The following FOXN1 variants were observed in gnomAD, a reference collection of about 807,000 sequenced individuals.
The protein encoded by FOXN1 is forkhead box protein N1.
Under a neutral mutation model 49.0 loss-of-function variants are expected in FOXN1, and 15 were observed. That is an observed-to-expected ratio of 0.31 (90% CI 0.20 to 0.47). The LOEUF is 0.47. Among genes scored for constraint, FOXN1 ranks in the 20% least tolerant of loss-of-function variants. The probability of loss-of-function intolerance (pLI) is 1.00; values close to 1 mark genes in which losing one functional copy is unlikely to be tolerated. For missense variants in FOXN1, 800 were observed against 842.8 expected (o/e 0.95, Z 0.63); for synonymous variants, 356 against 369.0 (o/e 0.96, Z 0.40).
rs572346156 is a variant in FOXN1, at chr17:28,515,257, A to G, written c.-14-8699A>G. Among the ~76,000 whole-genome samples the G allele has an allele frequency of 1.1e-4, 17 of 152,014 alleles. No homozygotes were observed. In the South Asian group the frequency reaches 3.5e-3, roughly 32 times the overall value. ...ATATCTCCACAGGGTACACACCTCT[A>G]TGAGGTACACACCTCCACAGGGTAC... On this transcript the variant is annotated intron_variant, in intron 1 of 8. Coordinates refer to ENST00000579795, the MANE Select transcript of FOXN1 (RefSeq NM_001369369.1).
chr17:28,523,927 C>T, intron 1 of FOXN1, 29 bp from the exon 2 acceptor site: 1 of 1,613,012 alleles, frequency 6.2e-7, no homozygotes, highest in Non-Finnish European at 8.5e-7. Context: ...TGCTGGTCCT[C>T]ACTCTCATGG....
intron 6 of FOXN1, 32 bp downstream of exon 6, chr17:28,530,877 C>T (rs745980479): frequency 2.4e-6 from 3 of 1,239,720 alleles, no homozygotes; most frequent in Admixed American, 1.7e-5. Context: ...ATCCCATCAC[C>T]CCCAAGTCCT....
In FOXN1 at chr17:28,534,295, C is replaced by T. The variant is rs762103394; in HGVS notation, c.928-36C>T. On this transcript the variant is annotated intron_variant, in intron 6 of 8. Coordinates refer to ENST00000579795, the MANE Select transcript of FOXN1 (RefSeq NM_001369369.1). The surrounding 1 kb of genome is among the most constrained non-coding windows in gnomAD (Gnocchi z 4.1). ...CTGAAGCCCGCTCTGGCTTCCTGAG[C>T]CTGGCCTGAATGCTTGTCTTGCTCT... The T allele has an allele frequency of 6.2e-7, 1 of 1,613,802 alleles. No homozygotes were observed. Among genetic ancestry groups the T allele is most frequent in the African/African-American group, 1.3e-5 (1 of 74,908 alleles).
chr17:28,510,741 G>T (rs2069378718), intron 1 of FOXN1, among the ~76,000 whole-genome samples: 1 of 152,192 alleles, frequency 6.6e-6, no homozygotes, highest in Admixed American at 6.5e-5. Context: ...TCTGGAGAGG[G>T]TTCCTGGAGC....
At chr17:28,513,424 T>C (rs1195289955) in intron 1 of FOXN1, among the ~76,000 whole-genome samples, 1 of 152,274 alleles carries the variant, frequency 6.6e-6, no homozygotes, top group Non-Finnish European at 1.5e-5. Flanking sequence ...TATCTGTCTG[T>C]TGATTTGTCC....
intron 1 of FOXN1, among the ~76,000 whole-genome samples, chr17:28,518,495 A>C (rs1410891053): frequency 6.6e-6 from 1 of 152,200 alleles, no homozygotes; most frequent in Non-Finnish European, 1.5e-5. Flanking sequence ...TGAGAAGGGC[A>C]CAGAGCAGGA....
At chr17:28,530,679 G>A in intron 5 of FOXN1, 70 bp from the exon 6 acceptor site, 4 of 840,506 alleles carry the variant, frequency 4.8e-6, no homozygotes, top group Non-Finnish European at 6.3e-6. Flanking sequence ...CTCACCAGGG[G>A]TGGGGGGCTT....
intron 5 of FOXN1, among the ~76,000 whole-genome samples, chr17:28,529,841 C>T (rs1230875222): frequency 6.6e-6 from 1 of 152,140 alleles, no homozygotes; most frequent in Non-Finnish European, 1.5e-5. Flanking sequence ...GGAACTTAAG[C>T]ATCAGCCAGG....
At chr17:28,519,987 A>T (rs538163711) in intron 1 of FOXN1, among the ~76,000 whole-genome samples, 9 of 152,134 alleles carry the variant, frequency 5.9e-5, no homozygotes, top group Admixed American at 5.2e-4. Context: ...GCTAATTATT[A>T]ATAATAGCTA....
In FOXN1 at chr17:28,534,558, G is replaced by A. The variant is rs377224791; in HGVS notation, c.1135+20G>A. On this transcript the variant is annotated intron_variant, in intron 7 of 8. Transcript: ENST00000579795. The surrounding 1 kb of genome is among the most constrained non-coding windows in gnomAD (Gnocchi z 4.1). ...AGCCAGGTGAGGCCGGCCGGGCCAC[G>A]CAAGGAAGGGCCCAGGGTACTCATG... 1,509 of 1,610,436 alleles carry A rather than the reference G, an allele frequency of 9.4e-4. 1 individual carries two copies. Among genetic ancestry groups the A allele is most frequent in the Middle Eastern group, 2.5e-3 (13 of 5,196 alleles).
intron 1 of FOXN1, among the ~76,000 whole-genome samples, chr17:28,513,539 A>T (rs2069435330): frequency 1.3e-5 from 2 of 152,186 alleles, no homozygotes; most frequent in Admixed American, 1.3e-4. Flanking sequence ...CCACCCATCC[A>T]TCCAGAGAGG....
intron 1 of FOXN1, among the ~76,000 whole-genome samples, chr17:28,513,091 A>C (rs940127918): frequency 1.3e-5 from 2 of 152,208 alleles, no homozygotes; most frequent in Non-Finnish European, 2.9e-5. Flanking sequence ...CAACATGGCA[A>C]AACCCCATCT....
At chr17:28,509,092 G>A (rs1346638390) in intron 1 of FOXN1, among the ~76,000 whole-genome samples, 2 of 151,942 alleles carry the variant, frequency 1.3e-5, no homozygotes, top group African/African-American at 4.8e-5. Context: ...CCAGGAGCTG[G>A]GGAAAGACAA....
Position 28,535,065 on chromosome 17 carries a change from A to G in FOXN1, c.1494A>G (p.Pro498=). Residue 498 remains proline, a synonymous_variant, in exon 8 of 9, where the codon CCA becomes CCG. Transcript: ENST00000579795. ...ACTCGCCTCTGCCTGCCCACACCCC[A>G]CCCAGCCACAGTGCCAAGCTACTGG... ...PQDSPLPAHT[P]PSHSAKLLAE... 1.3e-6 allele frequency: 2 copies of G among 1,595,818 alleles called. No homozygotes were observed. Among genetic ancestry groups the G allele is most frequent in the Non-Finnish European group, 1.7e-6 (2 of 1,172,208 alleles).
At chr17:28,518,887 G>A (rs2069583820) in intron 1 of FOXN1, among the ~76,000 whole-genome samples, 1 of 152,174 alleles carries the variant, frequency 6.6e-6, no homozygotes, top group Non-Finnish European at 1.5e-5. Flanking sequence ...AAAAAAATGG[G>A]CTTGATGACC....
chr17:28,519,170 C>T (rs2069588691), intron 1 of FOXN1, among the ~76,000 whole-genome samples: 1 of 152,064 alleles, frequency 6.6e-6, no homozygotes, highest in South Asian at 2.1e-4. Flanking sequence ...ACAAGAGATA[C>T]AAAAGTGCAG....
chr17:28,514,078 C>T (rs1251698162), intron 1 of FOXN1, among the ~76,000 whole-genome samples: 1 of 152,176 alleles, frequency 6.6e-6, no homozygotes, highest in Non-Finnish European at 1.5e-5. Context: ...GATTAGAGAT[C>T]TGGAAGAACC....
chr17:28,524,746 T>C lies in FOXN1; in HGVS notation c.367T>C (p.Phe123Leu). Residue 123 changes from phenylalanine (F) to leucine (L), a missense_variant, in exon 3 of 9, where the codon TTC becomes CTC. Physicochemically the swap from Phe to Leu is conservative, Grantham distance 22 (BLOSUM62 0). Around this residue, in one of 3 missense-constraint regions of FOXN1, gnomAD observed 383 missense variants for 357.9 expected, o/e 1.07. Coordinates refer to ENST00000579795, the MANE Select transcript of FOXN1 (RefSeq NM_001369369.1). ...ATTCCTCAAGGGCAGCCACGCGCCC[T>C]TCCACCCGTACAAGCGGCCTTTCCA... ...GRFLKGSHAP[F>L]HPYKRPFHED... 1.9e-6 allele frequency: 3 copies of C among 1,613,192 alleles called. No individual in the cohort carries two copies. The highest frequency in any genetic ancestry group is 1.7e-6 in the Non-Finnish European group (2 of 1,179,700).
chr17:28,537,067 G>C lies in FOXN1; in HGVS notation c.1628-50G>C, dbSNP rs897834289. On this transcript the variant is annotated intron_variant, in intron 8 of 8. Transcript: ENST00000579795. ...TTGACAGGGAGGAGGGGCCAGACAG[G>C]GCTCCTCCGGTGCCTCCCAGTGACA... 6 of 1,436,476 alleles carry C rather than the reference G, an allele frequency of 4.2e-6. No individual in the cohort carries two copies. The African/African-American group carries it at 7.0e-5, about 17-fold the overall frequency. The allele number at this position is 1,436,476 out of a possible 1,614,324, so 89.0% of individuals were successfully genotyped here.
Sources: gnomAD v4.1 joint callset for allele counts (sites outside exome capture counted in the v4.1 genomes callset) on GRCh38, gnomAD v4.1.1 for gene constraint, gnomAD v4.1.1 regional missense constraint, Gnocchi (gnomAD v3.1) non-coding constraint, MANE v1.5 for transcripts, NCBI Gene and HGNC (gene_info 2026-07-23, HGNC 2026-07-21) for gene names.